The following BCORL1 variants were observed in gnomAD, a reference collection of about 807,000 sequenced individuals.
The protein encoded by BCORL1 is BCL-6 corepressor-like protein 1.
BCORL1 carries 7 observed loss-of-function variants against 87.6 expected under a neutral mutation model. The observed-to-expected ratio is 0.08, with a 90% CI of 0.05 to 0.15. BCORL1 has a LOEUF of 0.15. Ranked by LOEUF, BCORL1 falls within the 10% of genes least tolerant of loss-of-function variation. The pLI, the probability that BCORL1 is intolerant of heterozygous loss-of-function variation, is 1.00. For missense variants in BCORL1, 1,215 were observed against 1,499.7 expected (o/e 0.81, Z 3.13); for synonymous variants, 591 against 634.4 (o/e 0.93, Z 1.03).
chrX:130,041,687 C>T (rs185799450), intron 11 of BCORL1, among the ~76,000 whole-genome samples: 131 of 110,545 alleles, frequency 1.2e-3, no homozygotes, highest in African/African-American at 4.1e-3. Flanking sequence ...AGTGCAGTGG[C>T]GTGATCTCAG....
chrX:130,050,285 A>G (rs1931998430), intron 11 of BCORL1, among the ~76,000 whole-genome samples: 1 of 108,978 alleles, frequency 9.2e-6, no homozygotes, highest in Admixed American at 9.9e-5. Flanking sequence ...TGAAAAAAAA[A>G]GTATTAGCCA....
At position 130,015,943 on chromosome X, in the gene BCORL1, T is replaced by C; in HGVS notation, c.3171T>C (p.Asp1057=). The C allele has an allele frequency of 8.3e-7, 1 of 1,211,744 alleles. No individual in the cohort carries two copies. Among genetic ancestry groups the C allele is most frequent in the Non-Finnish European group, 1.1e-6 (1 of 895,546 alleles). Residue 1057 remains aspartate, a synonymous_variant, in exon 4 of 14, where the codon GAT becomes GAC. Transcript: ENST00000540052. ...TGAAAATGGAGAAGGTGGATGGTGA[T>C]GTGGTCTTCAATTTAGCCACCTGCT... The part of the protein sequence containing the change: ...GRVKMEKVDG[D]VVFNLATCFR...
At position 129,989,444 on chromosome X, in the gene BCORL1, CTTTTTTTTTTTTTTT is replaced by C. The variant is rs55654985; in HGVS notation, c.-45+6705_-45+6719del. The stretch of plus-strand genomic sequence containing the variant: ...TACAGGCGTGAGCCACCGCACCCGT[CTTTTTTTTTTTTTTT>C]TTTTTTTTTTTTTTTTTTTTTTAAC... On this transcript the variant is annotated intron_variant, in intron 1 of 13. Transcript: ENST00000540052. Among the ~76,000 whole-genome samples, 76 of 17,773 alleles carry C rather than the reference CTTTTTTTTTTTTTTT, an allele frequency of 4.3e-3. 1 individual carries two copies. Among genetic ancestry groups the C allele is most frequent in the African/African-American group, 0.012 (47 of 3,911 alleles). The allele number at this position is 17,773 out of a possible 115,157, so 15.4% of individuals were successfully genotyped here. A position where few individuals can be genotyped will look rare whatever the true frequency, so the allele number is the denominator to read the frequency against.
At chrX:130,008,389 G>T (rs1408512364) in intron 2 of BCORL1, among the ~76,000 whole-genome samples, 1 of 109,680 alleles carries the variant, frequency 9.1e-6, no homozygotes, top group Non-Finnish European at 1.9e-5. Flanking sequence ...TCAGCCTCCC[G>T]AGTAGCTGGG....
At chrX:129,996,686 T>G (rs184395535) in intron 1 of BCORL1, among the ~76,000 whole-genome samples, 5 of 111,878 alleles carry the variant, frequency 4.5e-5, no homozygotes, top group Non-Finnish European at 9.4e-5. Flanking sequence ...TGGCGTGATC[T>G]TAGCTCACTG....
intron 6 of BCORL1, among the ~76,000 whole-genome samples, chrX:130,024,567 C>T (rs763549816): frequency 1.6e-4 from 18 of 111,198 alleles, no homozygotes; most frequent in African/African-American, 5.6e-4. Flanking sequence ...CCTCTCCTAG[C>T]CCCTGATTTC....
chrX:130,056,109 G>A lies in BCORL1; in HGVS notation c.5331G>A (p.Glu1777=), dbSNP rs755070411. Residue 1777 remains glutamate (E), a synonymous_variant, in exon 14 of 14, where the codon GAG becomes GAA. Coordinates refer to ENST00000540052, the MANE Select transcript of BCORL1 (RefSeq NM_001379451.1). ...EPDLLRLLGS[E]VEFQSCNS ...ACCTACTTCGGCTCCTAGGGTCCGA[G>A]GTGGAATTCCAGTCTTGCAACAGTT... is the stretch of plus-strand genomic sequence containing the variant. The A allele has an allele frequency of 1.7e-6, 2 of 1,182,203 alleles. No homozygotes were observed. The highest frequency in any genetic ancestry group is 3.7e-5 in the South Asian group (2 of 53,401).
chrX:130,008,638 C>G (rs189855217), intron 2 of BCORL1, among the ~76,000 whole-genome samples: 2 of 111,862 alleles, frequency 1.8e-5, no homozygotes, highest in Non-Finnish European at 3.8e-5. Flanking sequence ...CAGTCTAGGC[C>G]GCTACAGCCT....
Position 130,014,977 on chromosome X carries a change from C to T in BCORL1, c.2205C>T (p.Asn735=). Residue 735 remains asparagine (N), a synonymous_variant, in exon 4 of 14, where the codon AAC becomes AAT. Transcript: ENST00000540052. ...CCCTGCTGCTGAACAAAGACCCCAA[C>T]CTGGGCCTCAACCGTGACCCCCGCC... ...PASLLLNKDP[N]LGLNRDPRHL... is the part of the protein sequence containing the mutation. 1 of 1,211,828 alleles carries T rather than the reference C, an allele frequency of 8.3e-7. No individual in the cohort carries two copies. Among genetic ancestry groups the T allele is most frequent in the Non-Finnish European group, 1.1e-6 (1 of 895,529 alleles).
chrX:130,021,293 C>T, intron 5 of BCORL1, 143 bp downstream of exon 5: 1 of 1,061,425 alleles, frequency 9.4e-7, no homozygotes, highest in Non-Finnish European at 1.2e-6. Context: ...ATATGATTGA[C>T]CCCTCTGAAG....
rs748808817 is a variant in BCORL1, at chrX:130,051,766, A to C, written c.4919-94A>C. 4.5e-4 allele frequency: 393 copies of C among 877,779 alleles called. 1 individual carries two copies. The African/African-American group carries it at 6.9e-3, about 15-fold the overall frequency. The allele number at this position is 877,779 out of a possible 1,213,427, so 72.3% of individuals were successfully genotyped here. ...CCTTGTCATTTACCTCCCAACCACC[A>C]CCCCTCCATGCCCCTTTATCTGCTT... On this transcript the variant is annotated intron_variant, in intron 12 of 13. Transcript: ENST00000540052.
chrX:130,044,182 G>T (rs1041725795), intron 11 of BCORL1, among the ~76,000 whole-genome samples: 2 of 109,912 alleles, frequency 1.8e-5, no homozygotes, highest in African/African-American at 6.6e-5. Flanking sequence ...GGGATTACAG[G>T]TGTGAGCCAC....
intron 8 of BCORL1, among the ~76,000 whole-genome samples, chrX:130,030,514 G>A (rs765965928): frequency 1.2e-4 from 13 of 111,272 alleles, no homozygotes; most frequent in Non-Finnish European, 2.3e-4. Context: ...CAGTTGGGAC[G>A]TGAAAAAGGC....
At position 130,025,374 on chromosome X, in the gene BCORL1, G is replaced by A; in HGVS notation, c.4073G>A (p.Arg1358Lys). 1.7e-6 allele frequency: 2 copies of A among 1,147,189 alleles called. No individual in the cohort carries two copies. The highest frequency in any genetic ancestry group is 3.6e-5 in the African/African-American group (2 of 55,375). 94.5% of individuals were successfully genotyped at this position (1,147,189 alleles called of 1,213,427 possible). A position where few individuals can be genotyped will look rare whatever the true frequency, so the allele number is the denominator to read the frequency against. ...GAAGACGAGCAGCGGCGGAAAGGGA[G>A]AGCAGGTAAGGCTGGCCAGGGGCTC... ...EQEDEQRRKG[R>K]ADLKARKQKT... The change falls in exon 7 of 14, where the codon AGA becomes AAA. Residue 1358 changes from arginine to lysine, a missense_variant. Arg to Lys is a conservative substitution (Grantham distance 26, BLOSUM62 2). Coordinates refer to ENST00000540052, the MANE Select transcript of BCORL1 (RefSeq NM_001379451.1).
intron 5 of BCORL1, 26 bp downstream of exon 5, chrX:130,021,176 G>T (rs1456807384): frequency 1.7e-6 from 2 of 1,183,679 alleles, no homozygotes; most frequent in African/African-American, 3.6e-5. Flanking sequence ...CTGGCCCTCT[G>T]GGCTGGGCTG....
chrX:130,021,753 A>G (rs1185983062), intron 5 of BCORL1, among the ~76,000 whole-genome samples: 1 of 109,130 alleles, frequency 9.2e-6, no homozygotes, highest in Non-Finnish European at 1.9e-5. Context: ...GGTCTTGCCC[A>G]CCTGACGTGA....
intron 8 of BCORL1, among the ~76,000 whole-genome samples, chrX:130,032,745 T>C (rs1320422164): frequency 1.0e-5 from 1 of 96,229 alleles, no homozygotes; most frequent in Non-Finnish European, 1.9e-5. Flanking sequence ...ATTTATTTAT[T>C]TATTTATTTA....
chrX:130,021,573 G>T (rs1033766008), intron 5 of BCORL1, among the ~76,000 whole-genome samples: 18 of 112,227 alleles, frequency 1.6e-4, no homozygotes, highest in African/African-American at 5.2e-4. Flanking sequence ...TTAGCTAGGA[G>T]AGTTTAGAGA....
chrX:130,016,293 C>T, intron 4 of BCORL1, 80 bp downstream of exon 4: 9 of 1,083,715 alleles, frequency 8.3e-6, no homozygotes, highest in Non-Finnish European at 1.1e-5. Flanking sequence ...CCTCCTGTGA[C>T]CCCTACCCTG....
Sources: gnomAD v4.1 joint callset for allele counts (sites outside exome capture counted in the v4.1 genomes callset) on GRCh38, gnomAD v4.1.1 for gene constraint, MANE v1.5 for transcripts, NCBI Gene and HGNC (gene_info 2026-07-23, HGNC 2026-07-21) for gene names.